The following CNOT6L variants were observed in gnomAD, a reference collection of about 807,000 sequenced individuals.
The protein encoded by CNOT6L is CCR4-NOT transcription complex subunit 6-like.
A neutral mutation model predicts 64.0 loss-of-function variants in CNOT6L; 7 were observed. The observed-to-expected ratio is 0.11, with a 90% CI of 0.06 to 0.21. The LOEUF is 0.21. CNOT6L is among the 10% of genes least tolerant of loss of function. The pLI is 1.00. For synonymous variants in CNOT6L, 193 were observed against 243.4 expected, an observed-to-expected ratio of 0.79 and a Z score of 1.93; for missense variants, 245 against 669.0, an observed-to-expected ratio of 0.37 and a Z score of 6.99.
intron 10 of CNOT6L, among the ~76,000 whole-genome samples, chr4:77,728,267 G>T (rs1428118563): frequency 6.6e-6 from 1 of 152,200 alleles, no homozygotes; most frequent in Non-Finnish European, 1.5e-5. Context: ...TACACGTAAT[G>T]AATATTTTCT....
chr4:77,817,298 T>G (rs1413095643), intron 1 of CNOT6L, among the ~76,000 whole-genome samples: 1 of 151,958 alleles, frequency 6.6e-6, no homozygotes, highest in East Asian at 1.9e-4. Context: ...AGAAAAAAAC[T>G]TCTTATATAC....
At chr4:77,755,778 C>A (rs902183541) in intron 5 of CNOT6L, among the ~76,000 whole-genome samples, 1 of 151,986 alleles carries the variant, frequency 6.6e-6, no homozygotes, top group Non-Finnish European at 1.5e-5. Flanking sequence ...AAGAATATAG[C>A]CAAAATGTCA....
intron 1 of CNOT6L, among the ~76,000 whole-genome samples, chr4:77,802,981 G>A (rs879837808): frequency 2.0e-5 from 3 of 152,142 alleles, no homozygotes; most frequent in Admixed American, 1.3e-4. Context: ...ATGATAAACA[G>A]TATTTTAAAA....
At position 77,753,497 on chromosome 4, in the gene CNOT6L, C is replaced by G. The variant is rs560983278; in HGVS notation, c.490+3365G>C. ...ACCAGCCTGGCCAACATGACGAAACCCTGTTTCTACTAAAAACATAAAAAT... is the reference window on the plus strand; with the variant it reads ...ACCAGCCTGGCCAACATGACGAAACGCTGTTTCTACTAAAAACATAAAAAT... On this transcript the variant is annotated intron_variant, in intron 5 of 11. Coordinates refer to ENST00000504123, the MANE Select transcript of CNOT6L (RefSeq NM_144571.3). Among the ~76,000 whole-genome samples the G allele has an allele frequency of 2.0e-5, 3 of 152,020 alleles. No individual in the cohort carries two copies. The South Asian group carries it at 6.2e-4, about 32-fold the overall frequency.
rs1721172775 is a variant in CNOT6L at position 77,720,559 on chromosome 4, C to G, written c.1540G>C (p.Glu514Gln). The G allele has an allele frequency of 1.2e-6, 2 of 1,613,252 alleles. No individual in the cohort carries two copies. The highest frequency in any genetic ancestry group is 8.5e-7 in the Non-Finnish European group (1 of 1,179,478). ...TGTGGACACCCAGTGATGTTGTTCTCAACCAGCCATTGAGGATCTAAAGGC... is the reference window on the plus strand; with the variant it reads ...TGTGGACACCCAGTGATGTTGTTCTGAACCAGCCATTGAGGATCTAAAGGC... ...LGPLDPQWLVENNITGCPHPH... is the reference protein window; with the variant it reads ...LGPLDPQWLVQNNITGCPHPH... Residue 514 changes from glutamate to glutamine, a missense_variant, in exon 12 of 12, where the codon GAG becomes CAG. Glu to Gln is a conservative substitution (Grantham distance 29). Transcript: ENST00000504123.
chr4:77,817,988 G>A (rs1362682800), intron 1 of CNOT6L, among the ~76,000 whole-genome samples: 1 of 152,182 alleles, frequency 6.6e-6, no homozygotes, highest in Non-Finnish European at 1.5e-5. Flanking sequence ...TAGACCTATT[G>A]GCAGCAGGTT....
intron 1 of CNOT6L, among the ~76,000 whole-genome samples, chr4:77,790,751 G>GA (rs1024907154): frequency 2.0e-5 from 3 of 150,792 alleles, no homozygotes. Flanking sequence ...GCCCAGGCTA[G>GA]AGTTCTCCTG....
chr4:77,819,365 A>T lies in CNOT6L; in HGVS notation c.-57T>A. ...CATTTCCCCGCGGCAGGGGAAACAC[A>T]CACACAAACACGCGCGCGCGCGCGC... On this transcript the variant is annotated 5_prime_UTR_variant, in exon 1 of 12. Transcript: ENST00000504123. 1 of 1,610,258 alleles carries T rather than the reference A, an allele frequency of 6.2e-7. No individual in the cohort carries two copies. Among genetic ancestry groups the T allele is most frequent in the Non-Finnish European group, 8.5e-7 (1 of 1,178,030 alleles).
intron 5 of CNOT6L, among the ~76,000 whole-genome samples, chr4:77,756,429 T>C (rs2109999256): frequency 6.6e-6 from 1 of 152,360 alleles, no homozygotes; most frequent in East Asian, 1.9e-4. Context: ...AGTCATTTCA[T>C]TCATTAAAAA....
chr4:77,732,073 T>C (rs1432901820), intron 8 of CNOT6L, among the ~76,000 whole-genome samples: 1 of 152,128 alleles, frequency 6.6e-6, no homozygotes, highest in Non-Finnish European at 1.5e-5. Context: ...GTCAACAAAA[T>C]ACAGGGGCAC....
chr4:77,738,262 T>C (rs377418948), intron 8 of CNOT6L, among the ~76,000 whole-genome samples: 72 of 152,248 alleles, frequency 4.7e-4, no homozygotes, highest in African/African-American at 1.6e-3. Flanking sequence ...CCCTTTCTCA[T>C]TGACTTGAAA....
At chr4:77,784,481 A>T (rs1334779889) in intron 1 of CNOT6L, among the ~76,000 whole-genome samples, 1 of 150,504 alleles carries the variant, frequency 6.6e-6, no homozygotes, top group Non-Finnish European at 1.5e-5. Context: ...TACTCATCTA[A>T]AGATACTGAA....
intron 1 of CNOT6L, among the ~76,000 whole-genome samples, chr4:77,781,149 G>T (rs1728811458): frequency 6.6e-6 from 1 of 152,062 alleles, no homozygotes; most frequent in Non-Finnish European, 1.5e-5. Flanking sequence ...ATGGACACAG[G>T]GAGGGGAATA....
chr4:77,818,598 T>C (rs1041082556), intron 1 of CNOT6L, among the ~76,000 whole-genome samples: 11 of 152,160 alleles, frequency 7.2e-5, no homozygotes, highest in African/African-American at 2.7e-4. Flanking sequence ...TTCACTTTCC[T>C]CCCTCGGGTC....
intron 6 of CNOT6L, 106 bp from the exon 7 acceptor site, chr4:77,744,981 A>G: frequency 1.3e-6 from 1 of 762,132 alleles, no homozygotes; most frequent in South Asian, 2.9e-5. Flanking sequence ...CATACGCCAC[A>G]TATCATCATT....
chr4:77,748,459 C>T (rs1294953188), intron 5 of CNOT6L, 75 bp from the exon 6 acceptor site: 2 of 963,236 alleles, frequency 2.1e-6, no homozygotes, highest in Non-Finnish European at 3.3e-6. Context: ...ATGTCAAAAA[C>T]ACTTCTGTTT....
chr4:77,750,052 T>C (rs1724685268), intron 5 of CNOT6L, among the ~76,000 whole-genome samples: 1 of 152,142 alleles, frequency 6.6e-6, no homozygotes, highest in South Asian at 2.1e-4. Flanking sequence ...TGGAAATATA[T>C]CCATGGAATA....
chr4:77,737,279 A>G (rs1041201382), intron 8 of CNOT6L, among the ~76,000 whole-genome samples: 1 of 152,172 alleles, frequency 6.6e-6, no homozygotes, highest in African/African-American at 2.4e-5. Flanking sequence ...ATAAAATGAT[A>G]TAAAATGTGT....
intron 8 of CNOT6L, among the ~76,000 whole-genome samples, chr4:77,732,451 C>T (rs758596723): frequency 5.9e-5 from 9 of 152,012 alleles, no homozygotes; most frequent in African/African-American, 2.2e-4. Flanking sequence ...AGTCTTGTAA[C>T]AGATCCCCTC....
Sources: allele counts gnomAD v4.1 joint callset (sites outside exome capture counted in the v4.1 genomes callset), GRCh38; gene constraint gnomAD v4.1.1; transcripts MANE v1.5; gene names NCBI Gene and HGNC (gene_info 2026-07-23, HGNC 2026-07-21).